The following ANKRD6 variants were observed in gnomAD, a reference collection of about 807,000 sequenced individuals.
The protein encoded by ANKRD6 is ankyrin repeat domain 6.
Under a neutral mutation model 82.3 loss-of-function variants are expected in ANKRD6, and 56 were observed. The observed-to-expected ratio is 0.68, with a 90% confidence interval of 0.55 to 0.85. The LOEUF is 0.85. Ranked by LOEUF, ANKRD6 falls within the 40% of genes least tolerant of loss-of-function variation. The pLI is 0.00. For missense variants in ANKRD6, 852 were observed against 907.6 expected (o/e 0.94, Z 0.79); for synonymous variants, 347 against 352.1 (o/e 0.99, Z 0.16).
intron 1 of ANKRD6, among the ~76,000 whole-genome samples, chr6:89,552,807 A>G (rs1180168187): frequency 6.6e-6 from 1 of 152,178 alleles, no homozygotes; most frequent in Non-Finnish European, 1.5e-5. Flanking sequence ...GAAGTTAGTC[A>G]TATAACCTGC....
chr6:89,474,729 T>C (rs1331923185), intron 1 of ANKRD6, among the ~76,000 whole-genome samples: 2 of 152,206 alleles, frequency 1.3e-5, no homozygotes, highest in Non-Finnish European at 2.9e-5. Flanking sequence ...TCTCATCTTT[T>C]TAAATCTGAA....
chr6:89,612,767 C>T (rs1490203949), intron 6 of ANKRD6, among the ~76,000 whole-genome samples: 1 of 152,178 alleles, frequency 6.6e-6, no homozygotes, highest in Non-Finnish European at 1.5e-5. Flanking sequence ...TCCTCTAATG[C>T]CCCATGCCCA....
Position 89,632,330 on chromosome 6 carries a change from T to TA in ANKRD6, c.*1327dup, listed in dbSNP as rs1491276345. 1 of 151,028 alleles carries TA rather than the reference T, an allele frequency of 6.6e-6. No homozygotes were observed. Among genetic ancestry groups the TA allele is most frequent in the Admixed American group, 6.6e-5 (1 of 15,078 alleles). The allele number at this position is 151,028 out of a possible 1,614,324, so 9.4% of individuals were successfully genotyped here. ...CAGTTTTAGGGTTTTTTCTTTTTTT[T>TA]ATAGTGACAATCCATAGATATAGAC... On this transcript the variant is annotated 3_prime_UTR_variant, in exon 16 of 16. Transcript: ENST00000339746.
intron 1 of ANKRD6, chr6:89,483,308 C>A (rs553898923): frequency 2.2e-4 from 34 of 152,476 alleles, no homozygotes; most frequent in African/African-American, 8.2e-4. Flanking sequence ...TTCAAGGCTC[C>A]TTAGAGAAGG....
At chr6:89,479,146 G>A (rs1018090267) in intron 1 of ANKRD6, among the ~76,000 whole-genome samples, 4 of 152,198 alleles carry the variant, frequency 2.6e-5, no homozygotes, top group African/African-American at 9.7e-5. Context: ...CCCTGGGGTT[G>A]TGCAATTTTG....
chr6:89,609,584 G>A (rs781210963), intron 5 of ANKRD6, among the ~76,000 whole-genome samples: 67 of 151,576 alleles, frequency 4.4e-4, no homozygotes, highest in African/African-American at 1.3e-3. Context: ...TTACAGGAGT[G>A]AGCCACCGAA....
chr6:89,467,821 G>T (rs577395261), intron 1 of ANKRD6, among the ~76,000 whole-genome samples: 1 of 152,162 alleles, frequency 6.6e-6, no homozygotes, highest in Non-Finnish European at 1.5e-5. Flanking sequence ...CTTATGTTGC[G>T]GGAGGCATTC....
At chr6:89,448,867 A>G (rs963698364) in intron 1 of ANKRD6, among the ~76,000 whole-genome samples, 1 of 151,724 alleles carries the variant, frequency 6.6e-6, no homozygotes, top group African/African-American at 2.4e-5. Flanking sequence ...CGTTTCTACT[A>G]AAAATACAAA....
At chr6:89,589,041 A>G in intron 2 of ANKRD6, among the ~76,000 whole-genome samples, 1 of 149,592 alleles carries the variant, frequency 6.7e-6, no homozygotes, top group East Asian at 2.0e-4. Context: ...ATGGCTAAGC[A>G]CCACACCTTT....
chr6:89,508,519 A>G (rs1780141699), intron 1 of ANKRD6, among the ~76,000 whole-genome samples: 1 of 152,204 alleles, frequency 6.6e-6, no homozygotes, highest in Non-Finnish European at 1.5e-5. Flanking sequence ...CATGGCTCAG[A>G]GATACGTGTG....
intron 1 of ANKRD6, among the ~76,000 whole-genome samples, chr6:89,460,909 CT>C (rs143153320): frequency 7.4e-6 from 1 of 135,894 alleles, no homozygotes; most frequent in Admixed American, 7.9e-5. Context: ...TTTTGGAATT[CT>C]TTTTTTTTGA....
rs771543912 is a variant in ANKRD6, at chr6:89,623,899, C to T, written c.1060C>T (p.Pro354Ser). Reference protein sequence around the residue: ...KVSAFSDPTPPADQQPGHQKN... With the variant: ...KVSAFSDPTPSADQQPGHQKN... ...GTCAGCATTTTCTGACCCCACCCCA[C>T]CAGCCGACCAACAGCCTGGACACCA... is the stretch of plus-strand genomic sequence containing the variant. Residue 354 changes from proline to serine, a missense_variant, in exon 12 of 16, where the codon CCA (proline) becomes TCA (serine). Physicochemically the swap from Pro to Ser is moderately conservative, Grantham distance 74 (BLOSUM62 -1). Coordinates refer to ENST00000339746, the MANE Select transcript of ANKRD6 (RefSeq NM_001242809.2). 2 of 1,613,676 alleles carry T rather than the reference C, an allele frequency of 1.2e-6. No homozygotes were observed. The highest frequency in any genetic ancestry group is 2.2e-5 in the South Asian group (2 of 91,060).
At chr6:89,483,185 CT>C (rs1776993437) in intron 1 of ANKRD6, among the ~76,000 whole-genome samples, 1 of 152,204 alleles carries the variant, frequency 6.6e-6, no homozygotes, top group Admixed American at 6.5e-5. Context: ...CCTTGGATGA[CT>C]TGAAAAGCCC....
chr6:89,440,971 T>A (rs1771299328), intron 1 of ANKRD6, among the ~76,000 whole-genome samples: 1 of 152,144 alleles, frequency 6.6e-6, no homozygotes, highest in Admixed American at 6.6e-5. Flanking sequence ...CCACAAAACC[T>A]GATATATTTT....
intron 1 of ANKRD6, among the ~76,000 whole-genome samples, chr6:89,518,109 T>C (rs1464038319): frequency 1.3e-5 from 2 of 152,126 alleles, no homozygotes; most frequent in African/African-American, 4.8e-5. Context: ...ATCATAAAAA[T>C]AAGTATCTTA....
chr6:89,540,899 A>G (rs2128005651), intron 1 of ANKRD6, among the ~76,000 whole-genome samples: 1 of 152,142 alleles, frequency 6.6e-6, no homozygotes. Flanking sequence ...CCCCCAGTAT[A>G]TGTTTTTGGC....
Position 89,624,351 on chromosome 6 carries a change from C to T in ANKRD6, c.1219-188C>T, listed in dbSNP as rs542325129. 3.4e-5 allele frequency: 25 copies of T among 727,202 alleles called. 1 individual carries two copies. The highest frequency in any genetic ancestry group is 1.4e-4 in the East Asian group (5 of 36,872). The allele number at this position is 727,202 out of a possible 1,614,324, so 45.0% of individuals were successfully genotyped here. ...TTGAGGAGAGGGACCATATCTTACCCTCTGAATTTTAGTGTCTGCTACACC... is the reference window on the plus strand; with the variant it reads ...TTGAGGAGAGGGACCATATCTTACCTTCTGAATTTTAGTGTCTGCTACACC... On this transcript the variant is annotated intron_variant, in intron 12 of 15. Coordinates refer to ENST00000339746, the MANE Select transcript of ANKRD6 (RefSeq NM_001242809.2).
At chr6:89,535,782 C>T (rs1783750325) in intron 1 of ANKRD6, among the ~76,000 whole-genome samples, 1 of 152,218 alleles carries the variant, frequency 6.6e-6, no homozygotes, top group African/African-American at 2.4e-5. Context: ...CAGTTCCAAG[C>T]AGTTGCTGTA....
chr6:89,609,360 G>T (rs962532831), intron 5 of ANKRD6, among the ~76,000 whole-genome samples: 1 of 151,842 alleles, frequency 6.6e-6, no homozygotes, highest in Admixed American at 6.5e-5. Flanking sequence ...GGAGTGCAAT[G>T]GCTCAATCTC....
Sources: allele counts gnomAD v4.1 joint callset (sites outside exome capture counted in the v4.1 genomes callset), GRCh38; gene constraint gnomAD v4.1.1; transcripts MANE v1.5; gene names NCBI Gene and HGNC (gene_info 2026-07-23, HGNC 2026-07-21).